TACR1: variants seen among roughly 807,000 people sequenced by gnomAD.
The protein encoded by TACR1 is tachykinin receptor 1, also known as substance-P receptor.
Under a neutral mutation model 35.8 loss-of-function variants are expected in TACR1, and 25 were observed. That is an observed-to-expected ratio of 0.70 (90% CI 0.51 to 0.98). The LOEUF (loss-of-function observed/expected upper bound fraction) is 0.98. Ranked by LOEUF, TACR1 falls within the 50% of genes least tolerant of loss-of-function variation. The probability of loss-of-function intolerance (pLI) is 0.00; values close to 1 mark genes in which losing one functional copy is unlikely to be tolerated. For missense variants in TACR1, 478 were observed against 522.9 expected (o/e 0.91, Z 0.84); for synonymous variants, 195 against 206.7 (o/e 0.94, Z 0.48).
At chr2:75,160,182 G>A (rs1198619222) in intron 1 of TACR1, among the ~76,000 whole-genome samples, 1 of 151,850 alleles carries the variant, frequency 6.6e-6, no homozygotes, top group Non-Finnish European at 1.5e-5. Flanking sequence ...TACATTGGGA[G>A]TTTTGGGAGT....
At chr2:75,096,220 C>T (rs572989410) in intron 2 of TACR1, among the ~76,000 whole-genome samples, 2 of 152,174 alleles carry the variant, frequency 1.3e-5, no homozygotes, top group East Asian at 1.9e-4. Flanking sequence ...TTGGCCTGTG[C>T]TGCTCTTTGA....
At chr2:75,154,505 C>CACACACACACACACACACAG (rs1674787863) in intron 1 of TACR1, 2 of 131,380 alleles carry the variant, frequency 1.5e-5, no homozygotes, top group African/African-American at 6.4e-5. Flanking sequence ...CACACACACA[C>CACACACACACACACACACAG]ACACACACAC....
intron 2 of TACR1, among the ~76,000 whole-genome samples, chr2:75,104,826 C>G (rs1194173974): frequency 6.6e-6 from 1 of 151,866 alleles, no homozygotes; most frequent in Non-Finnish European, 1.5e-5. Context: ...AAGTTAAAAC[C>G]ACAATGAGCT....
rs565921311 is a variant in TACR1, at chr2:75,087,934, G to C, written c.584+32640C>G. Among the ~76,000 whole-genome samples the C allele has an allele frequency of 6.6e-5, 10 of 152,318 alleles. No individual in the cohort carries two copies. The East Asian group carries it at 1.3e-3, about 21-fold the overall frequency. The stretch of plus-strand genomic sequence containing the variant: ...GAACTACTCACTGATGATGAACTCA[G>C]CCTCCAGTGGCAGGCATGAAGGGAT... On this transcript the variant is annotated intron_variant, in intron 2 of 4. Coordinates refer to ENST00000305249, the MANE Select transcript of TACR1 (RefSeq NM_001058.4).
At chr2:75,127,933 T>A (rs1296119964) in intron 1 of TACR1, among the ~76,000 whole-genome samples, 1 of 152,208 alleles carries the variant, frequency 6.6e-6, no homozygotes, top group African/African-American at 2.4e-5. Context: ...TTCTATTGAA[T>A]ACCCTCCCAT....
intron 2 of TACR1, among the ~76,000 whole-genome samples, chr2:75,074,168 CT>C (rs1672934185): frequency 3.9e-5 from 6 of 152,150 alleles, no homozygotes; most frequent in Admixed American, 3.9e-4. Flanking sequence ...GCGGGGCAAG[CT>C]GTAACCTGTG....
chr2:75,137,728 C>CAAAAAAAAAA (rs11326632), intron 1 of TACR1, among the ~76,000 whole-genome samples: 36 of 47,516 alleles, frequency 7.6e-4, no homozygotes, highest in African/African-American at 1.6e-3. Context: ...GTCTCCGTCT[C>CAAAAAAAAAA]AAAAAAAAAA....
intron 2 of TACR1, among the ~76,000 whole-genome samples, chr2:75,112,408 G>A (rs1479587885): frequency 2.0e-5 from 3 of 150,436 alleles, no homozygotes; most frequent in East Asian, 2.0e-4. Flanking sequence ...CTTAGGAATA[G>A]TTTGAGAAGA....
chr2:75,155,449 A>G (rs972903520), intron 1 of TACR1, among the ~76,000 whole-genome samples: 1 of 143,154 alleles, frequency 7.0e-6, no homozygotes, highest in Non-Finnish European at 1.5e-5. Context: ...CTCTATCTCT[A>G]CCTCTCTAAT....
At chr2:75,127,975 A>G (rs892322664) in intron 1 of TACR1, among the ~76,000 whole-genome samples, 2 of 152,134 alleles carry the variant, frequency 1.3e-5, no homozygotes, top group Admixed American at 6.5e-5. Flanking sequence ...TTATGGAACC[A>G]TCTCATTTTA....
intron 1 of TACR1, among the ~76,000 whole-genome samples, chr2:75,194,232 C>T (rs1279713009): frequency 6.6e-6 from 1 of 152,080 alleles, no homozygotes; most frequent in East Asian, 1.9e-4. Flanking sequence ...TGAAGAAAGG[C>T]CCTGAAATCT....
intron 2 of TACR1, among the ~76,000 whole-genome samples, chr2:75,097,123 A>G (rs912262597): frequency 1.3e-5 from 2 of 152,132 alleles, no homozygotes; most frequent in African/African-American, 4.8e-5. Context: ...CAAGTTCCCC[A>G]TTTCCTTGTG....
At chr2:75,140,824 T>C (rs1432861795) in intron 1 of TACR1, among the ~76,000 whole-genome samples, 1 of 152,206 alleles carries the variant, frequency 6.6e-6, no homozygotes, top group Non-Finnish European at 1.5e-5. Flanking sequence ...TCACTTGAGA[T>C]GTCTCTTTCT....
intron 1 of TACR1, among the ~76,000 whole-genome samples, chr2:75,195,271 T>C (rs1572995669): frequency 6.6e-6 from 1 of 152,184 alleles, no homozygotes; most frequent in Non-Finnish European, 1.5e-5. Flanking sequence ...TTTTAAATTC[T>C]AGGTAACTGC....
intron 1 of TACR1, among the ~76,000 whole-genome samples, chr2:75,147,798 C>T (rs531197359): frequency 6.7e-6 from 1 of 150,112 alleles, no homozygotes; most frequent in South Asian, 2.1e-4. Flanking sequence ...GGCTGGAGTG[C>T]AGTGGTGCAA....
At chr2:75,146,133 T>C (rs1468969033) in intron 1 of TACR1, among the ~76,000 whole-genome samples, 1 of 152,140 alleles carries the variant, frequency 6.6e-6, no homozygotes, top group Non-Finnish European at 1.5e-5. Context: ...ATTTTTTTTC[T>C]ATTTTTTCAG....
At chr2:75,065,216 G>C (rs1377329206) in intron 2 of TACR1, among the ~76,000 whole-genome samples, 1 of 152,200 alleles carries the variant, frequency 6.6e-6, no homozygotes. Context: ...CATTTTATGA[G>C]GTCGAATTCA....
intron 1 of TACR1, among the ~76,000 whole-genome samples, chr2:75,131,263 T>C (rs1481072437): frequency 1.3e-5 from 2 of 152,036 alleles, no homozygotes; most frequent in Non-Finnish European, 2.9e-5. Flanking sequence ...TAATTTTTTG[T>C]ATTTTTAGTA....
chr2:75,147,847 C>T (rs56276855), intron 1 of TACR1, among the ~76,000 whole-genome samples: 11,345 of 151,594 alleles, frequency 0.075, 875 homozygotes, highest in African/African-American at 0.2. Context: ...CAGGTTCAAG[C>T]GATTCTCCTG....
Sources: allele counts gnomAD v4.1 joint callset (sites outside exome capture counted in the v4.1 genomes callset), GRCh38; gene constraint gnomAD v4.1.1; transcripts MANE v1.5; gene names NCBI Gene and HGNC (gene_info 2026-07-23, HGNC 2026-07-21).